Variants in CDK12 observed in about 807,000 individuals in gnomAD.
CDK12 encodes the protein cyclin dependent kinase 12, also known as cyclin-dependent kinase 12.
In CDK12, 17 loss-of-function variants were observed where a neutral mutation model predicts 133.8. That is an observed-to-expected ratio of 0.13 (90% confidence interval 0.09 to 0.19). The LOEUF is 0.19. Ranked by LOEUF, CDK12 falls within the 10% of genes least tolerant of loss-of-function variation. The pLI, the probability that CDK12 is intolerant of heterozygous loss-of-function variation, is 1.00. For missense variants in CDK12, 1,508 were observed against 1,818.7 expected (o/e 0.83, Z 3.11); for synonymous variants, 694 against 683.6 (o/e 1.02, Z -0.24).
downstream of CDK12, among the ~76,000 whole-genome samples, chr17:39,536,097 G>C (rs2055122216): frequency 6.6e-6 from 1 of 152,134 alleles, no homozygotes; most frequent in African/African-American, 2.4e-5. Context: ...CCAAGCCAGA[G>C]TTGAAAGACT....
At chr17:39,505,674 C>T (rs531043557) in intron 6 of CDK12, among the ~76,000 whole-genome samples, 114 of 152,236 alleles carry the variant, frequency 7.5e-4, no homozygotes, top group African/African-American at 1.2e-3. Context: ...TACCATTGAC[C>T]GTTGAACAAC....
chr17:39,559,639 G>A (rs925413902), intron 3 of CDK12, among the ~76,000 whole-genome samples: 1 of 151,950 alleles, frequency 6.6e-6, no homozygotes, highest in African/African-American at 2.4e-5. Context: ...ACCCAGAATG[G>A]AGTACAGTGT....
chr17:39,525,179 G>A (rs561566589), intron 12 of CDK12, among the ~76,000 whole-genome samples: 6 of 152,084 alleles, frequency 3.9e-5, no homozygotes, highest in African/African-American at 1.2e-4. Flanking sequence ...TTTAATTTAA[G>A]GTTAGTTCAC....
Position 39,462,302 on chromosome 17 carries a change from C to T in CDK12, c.231C>T (p.Ser77=), listed in dbSNP as rs2144859186. 1 of 1,614,210 alleles carries T rather than the reference C, an allele frequency of 6.2e-7. No individual in the cohort carries two copies. The highest frequency in any genetic ancestry group is 8.5e-7 in the Non-Finnish European group (1 of 1,180,056). ...IKPLVEYDDI[S]SDSDTFSDDM... is the part of the protein sequence containing the mutation. ...CTTTGGTGGAGTATGATGATATCAG[C>T]TCTGATTCCGACACCTTCTCCGATG... The change falls in exon 1 of 14, where the codon AGC becomes AGT. Residue 77 remains serine (S), a synonymous_variant. Transcript: ENST00000447079.
At chr17:39,563,982 G>A (rs2056484298) in intron 3 of CDK12, among the ~76,000 whole-genome samples, 2 of 152,184 alleles carry the variant, frequency 1.3e-5, no homozygotes, top group Admixed American at 1.3e-4. Flanking sequence ...GAGGATGGGG[G>A]CCTGGGTGGC....
intron 5 of CDK12, among the ~76,000 whole-genome samples, chr17:39,498,837 A>T (rs982022446): frequency 6.7e-6 from 1 of 149,496 alleles, no homozygotes; most frequent in African/African-American, 2.5e-5. Flanking sequence ...AAATTTGTTG[A>T]TTCATTTTTC....
rs2053363434 is a variant in CDK12 at position 39,509,765 on chromosome 17, A to T, written c.2666+4A>T. On this transcript the variant is annotated splice_donor_region_variant and intron_variant, in intron 7 of 13. Coordinates refer to ENST00000447079, the MANE Select transcript of CDK12 (RefSeq NM_016507.4). ...GGCTCTATAACTCTGAAGAGAGGTA[A>T]GGCATTAATTAAAATTACATGTGGG... is the stretch of plus-strand genomic sequence containing the variant. The T allele has an allele frequency of 6.2e-7, 1 of 1,601,218 alleles. No homozygotes were observed. The highest frequency in any genetic ancestry group is 2.2e-5 in the East Asian group (1 of 44,818).
At chr17:39,535,150 C>G (rs927248284), downstream of CDK12, 2 of 152,206 alleles carry the variant, frequency 1.3e-5, no homozygotes, top group Non-Finnish European at 1.5e-5. Flanking sequence ...CCTTCTCTTT[C>G]ATGGCTTAGA....
chr17:39,481,790 G>A (rs1387664238), intron 2 of CDK12, among the ~76,000 whole-genome samples: 3 of 148,702 alleles, frequency 2.0e-5, no homozygotes, highest in Admixed American at 6.8e-5. Context: ...GCACTATCTC[G>A]GCACACTGCA....
intron 2 of CDK12, among the ~76,000 whole-genome samples, chr17:39,476,506 C>T (rs894827095): frequency 2.0e-5 from 3 of 149,426 alleles, no homozygotes; most frequent in Admixed American, 6.7e-5. Flanking sequence ...ATCCGCCTCC[C>T]GGGTTCAAGC....
chr17:39,517,296 A>G (rs1598141010), intron 9 of CDK12, 144 bp from the exon 10 acceptor site: 2 of 636,178 alleles, frequency 3.1e-6, no homozygotes, highest in East Asian at 2.6e-5. Flanking sequence ...CAGTAATGTC[A>G]TATTTTCCTT....
intron 5 of CDK12, among the ~76,000 whole-genome samples, chr17:39,495,384 GTTTTTTTTTTTTTT>G (rs60185847): frequency 1.5e-4 from 17 of 110,690 alleles, no homozygotes; most frequent in Non-Finnish European, 2.4e-4. Flanking sequence ...GGCCTCATGT[GTTTTTTTTTTTTTT>G]TTTTTTTTTT....
intron 3 of CDK12, among the ~76,000 whole-genome samples, chr17:39,563,754 A>G (rs2056474768): frequency 6.6e-6 from 1 of 150,892 alleles, no homozygotes; most frequent in Non-Finnish European, 1.5e-5. Context: ...GGTGTGTGCA[A>G]ACGCCGAGGA....
rs148965508 is a variant in CDK12, at chr17:39,530,682, C to T, written c.3839C>T (p.Pro1280Leu). The T allele has an allele frequency of 3.3e-4, 532 of 1,613,782 alleles. No homozygotes were observed. The African/African-American group carries it at 6.5e-3, about 20-fold the overall frequency. ...PGPPPPPPPP[P>L]LVEGDLSSAP... ...CCTCCACCGCCGCCACCTCCACCCC[C>T]TCTGGTTGAAGGCGATCTTTCCAGC... The change falls in exon 14 of 14, where the codon CCT (proline) becomes CTT (leucine). Residue 1280 changes from proline to leucine, a missense_variant. This residue lies in a region of CDK12 where 399 missense variants were observed against 469.6 expected (regional missense o/e 0.85). Transcript: ENST00000447079.
rs2053883838 is a variant in CDK12, at chr17:39,517,436, T to G, written c.2847-4T>G. The G allele has an allele frequency of 6.3e-7, 1 of 1,588,520 alleles. No individual in the cohort carries two copies. Among genetic ancestry groups the G allele is most frequent in the Non-Finnish European group, 8.6e-7 (1 of 1,158,770 alleles). On this transcript the variant is annotated splice_polypyrimidine_tract_variant and splice_region_variant and intron_variant, in intron 9 of 13. Coordinates refer to ENST00000447079, the MANE Select transcript of CDK12 (RefSeq NM_016507.4). ...CATTGTTCTTGCTTTTGCTTTGTTT[T>G]CAGCCGACTTTGTGGTAGCCCTTGT...
chr17:39,566,605 C>A (rs549819220), downstream of CDK12, among the ~76,000 whole-genome samples: 1 of 152,148 alleles, frequency 6.6e-6, no homozygotes, highest in South Asian at 2.1e-4. Context: ...TCTTCCAACC[C>A]GAGCCTTCTG....
At chr17:39,494,836 T>A in intron 5 of CDK12, 142 bp downstream of exon 5, 1 of 621,448 alleles carries the variant, frequency 1.6e-6, no homozygotes, top group Admixed American at 3.1e-5. Context: ...GTGGTGCGAT[T>A]TCAGGTCACT....
In CDK12 at chr17:39,526,327, C is replaced by A. The variant is rs757424404; in HGVS notation, c.3760+11C>A. 4 of 1,565,432 alleles carry A rather than the reference C, an allele frequency of 2.6e-6. No individual in the cohort carries two copies. In the East Asian group the frequency reaches 6.9e-5, roughly 27 times the overall value. The stretch of plus-strand genomic sequence containing the variant: ...AGGAGGAGGCAGCAGGTAAACAGAC[C>A]GGTCATGAATCTCATTGAGCTCAGG... On this transcript the variant is annotated intron_variant, in intron 13 of 13. Coordinates refer to ENST00000447079, the MANE Select transcript of CDK12 (RefSeq NM_016507.4).
At chr17:39,499,933 G>A (rs573116658) in intron 5 of CDK12, among the ~76,000 whole-genome samples, 1 of 152,308 alleles carries the variant, frequency 6.6e-6, no homozygotes, top group African/African-American at 2.4e-5. Context: ...TGTAACAAAT[G>A]GGCATGGTTG....
Sources: gnomAD v4.1 joint callset for allele counts (sites outside exome capture counted in the v4.1 genomes callset) on GRCh38, gnomAD v4.1.1 for gene constraint, gnomAD v4.1.1 regional missense constraint, MANE v1.5 for transcripts, NCBI Gene and HGNC (gene_info 2026-07-23, HGNC 2026-07-21) for gene names.